PBRM1: variants seen among roughly 807,000 people sequenced by gnomAD.
PBRM1 encodes polybromo 1.
PBRM1 carries 27 observed loss-of-function variants against 194.5 expected under a neutral mutation model. The ratio of observed to expected loss-of-function variants is 0.14; its 90% CI spans 0.10 to 0.19. PBRM1 has a LOEUF of 0.19. Ranked by LOEUF, PBRM1 falls within the 10% of genes least tolerant of loss-of-function variation. The pLI, the probability that PBRM1 is intolerant of heterozygous loss-of-function variation, is 1.00. For synonymous variants in PBRM1, 655 were observed against 693.2 expected (o/e 0.94, Z 0.87); for missense variants, 1,466 against 2,077.2 (o/e 0.71, Z 5.72).
intron 11 of PBRM1, among the ~76,000 whole-genome samples, chr3:52,634,179 C>T (rs762035937): frequency 2.6e-5 from 4 of 152,122 alleles, no homozygotes; most frequent in Non-Finnish European, 5.9e-5. Flanking sequence ...AGGCTCACAC[C>T]TGTAATCCCA....
intron 15 of PBRM1, among the ~76,000 whole-genome samples, chr3:52,613,803 A>G (rs2094788625): frequency 6.6e-6 from 1 of 152,142 alleles, no homozygotes; most frequent in Non-Finnish European, 1.5e-5. Flanking sequence ...CAGCCTGGCC[A>G]ATACAGGGAG....
intron 3 of PBRM1, among the ~76,000 whole-genome samples, chr3:52,663,145 G>A (rs2096761292): frequency 6.6e-6 from 1 of 152,146 alleles, no homozygotes; most frequent in Non-Finnish European, 1.5e-5. Context: ...AAAATTAAAG[G>A]AATAAAAGTA....
chr3:52,613,165 T>G (rs72965182), intron 15 of PBRM1, among the ~76,000 whole-genome samples: 3,760 of 152,228 alleles, frequency 0.025, 166 homozygotes, highest in African/African-American at 0.086. Context: ...GTGGCAGATA[T>G]CTGCACATAT....
chr3:52,596,478 A>AAAG, intron 17 of PBRM1, among the ~76,000 whole-genome samples: 1 of 135,658 alleles, frequency 7.4e-6, no homozygotes, highest in Non-Finnish European at 1.6e-5. Context: ...AAAAAAAAAA[A>AAAG]AAGAAATGTA....
At chr3:52,558,364 C>T (rs1397461804) in exon 26 of PBRM1, 1 of 1,550,134 alleles carries the variant, frequency 6.5e-7, no homozygotes, top group East Asian at 2.4e-5. Context: ...GCTGCTGTTG[C>T]TGTGCTGCTC....
chr3:52,545,850 AT>A (rs574964096), downstream of PBRM1: 8 of 231,622 alleles, frequency 3.5e-5, no homozygotes, highest in South Asian at 1.8e-4. Context: ...TCTTGAGTCA[AT>A]TTTTTTTTCT....
intron 11 of PBRM1, among the ~76,000 whole-genome samples, chr3:52,631,130 T>C (rs542192568): frequency 6.6e-6 from 1 of 152,264 alleles, no homozygotes; most frequent in South Asian, 2.1e-4. Context: ...GTATCCTACT[T>C]GTATACAGGA....
chr3:52,549,264 C>T (rs1280999239), intron 29 of PBRM1, among the ~76,000 whole-genome samples: 3 of 152,132 alleles, frequency 2.0e-5, no homozygotes, highest in Non-Finnish European at 2.9e-5. Context: ...AAGTGATCTG[C>T]CCGCTTCAGC....
intron 3 of PBRM1, among the ~76,000 whole-genome samples, chr3:52,664,336 T>C (rs996177990): frequency 1.5e-5 from 2 of 135,088 alleles, no homozygotes; most frequent in Non-Finnish European, 3.1e-5. Flanking sequence ...TTCCTATATG[T>C]AGAAAAATTA....
rs192702236 is a variant in PBRM1 at position 52,638,504 on chromosome 3, G to A, written c.1087+3450C>T. ...CTCCTGAGCAGCTGGGATTACAGGC[G>A]TGCACCACCATGCCTGGCTAATTTT... On this transcript the variant is annotated intron_variant, in intron 10 of 29. Transcript: ENST00000296302. Among the ~76,000 whole-genome samples, 98 of 151,800 alleles carry A rather than the reference G, an allele frequency of 6.5e-4. No homozygotes were observed. The South Asian group carries it at 0.012, about 18-fold the overall frequency.
intron 7 of PBRM1, among the ~76,000 whole-genome samples, chr3:52,645,732 T>C (rs1029988177): frequency 6.6e-5 from 10 of 152,070 alleles, no homozygotes; most frequent in African/African-American, 2.4e-4. Context: ...ATAGTGTGGA[T>C]AGACTGAACA....
chr3:52,575,172 G>A (rs2089049050), intron 22 of PBRM1, among the ~76,000 whole-genome samples: 1 of 152,008 alleles, frequency 6.6e-6, no homozygotes, highest in African/African-American at 2.4e-5. Flanking sequence ...CAAAGTGCTG[G>A]GATTAAAGGT....
At chr3:52,585,510 A>G (rs1427554154) in intron 20 of PBRM1, 1 of 152,206 alleles carries the variant, frequency 6.6e-6, no homozygotes, top group Non-Finnish European at 1.5e-5. Flanking sequence ...TACAGTCTTT[A>G]CATTTCTTCC....
chr3:52,583,408 A>G (rs546053627), intron 20 of PBRM1, among the ~76,000 whole-genome samples: 1 of 150,572 alleles, frequency 6.6e-6, no homozygotes, highest in African/African-American at 2.4e-5. Context: ...GACTCCATCT[A>G]AAAAAAAACA....
At chr3:52,621,653 T>C (rs1379718554) in intron 13 of PBRM1, among the ~76,000 whole-genome samples, 2 of 152,204 alleles carry the variant, frequency 1.3e-5, no homozygotes, top group Non-Finnish European at 2.9e-5. Context: ...GGCATAATCA[T>C]TCTCCTTTTT....
At chr3:52,634,469 T>G in intron 11 of PBRM1, 133 bp downstream of exon 12, 1 of 600,612 alleles carries the variant, frequency 1.7e-6, no homozygotes, top group Non-Finnish European at 2.9e-6. Flanking sequence ...TAATGAACAG[T>G]TAAAATTTGA....
chr3:52,572,004 C>T lies in PBRM1; in HGVS notation c.3691+4537G>A, dbSNP rs551996128. Among the ~76,000 whole-genome samples the T allele has an allele frequency of 2.6e-5, 4 of 151,408 alleles. No homozygotes were observed. The East Asian group carries it at 7.8e-4, about 29-fold the overall frequency. ...AGTGAGTTATGATTGTACCATTGCA[C>T]TCCAGTTTGGATAACAAAGCGAGAT... On this transcript the variant is annotated intron_variant, in intron 22 of 29. Transcript: ENST00000296302.
intron 6 of PBRM1, 67 bp downstream of exon 7, chr3:52,651,675 C>T: frequency 1.2e-6 from 1 of 849,730 alleles, no homozygotes; most frequent in Non-Finnish European, 1.9e-6. Flanking sequence ...TTTCTAAAAG[C>T]TTCTAGGAAA....
intron 3 of PBRM1, among the ~76,000 whole-genome samples, chr3:52,663,471 T>C (rs982216961): frequency 2.6e-5 from 4 of 152,204 alleles, no homozygotes; most frequent in African/African-American, 9.6e-5. Flanking sequence ...GAACTCTTCA[T>C]CGTAAAGTTA....
Sources: allele counts gnomAD v4.1 joint callset (sites outside exome capture counted in the v4.1 genomes callset), GRCh38; gene constraint gnomAD v4.1.1; transcripts MANE v1.5; gene names NCBI Gene and HGNC (gene_info 2026-07-23, HGNC 2026-07-21).